KCNIP1: variants seen among roughly 807,000 people sequenced by gnomAD.
KCNIP1 encodes potassium voltage-gated channel interacting protein 1.
A neutral mutation model predicts 33.0 loss-of-function variants in KCNIP1; 18 were observed. The ratio of observed to expected loss-of-function variants is 0.55; its 90% CI spans 0.38 to 0.81. The LOEUF (loss-of-function observed/expected upper bound fraction) is 0.81. Ranked by LOEUF, KCNIP1 falls within the 30% of genes least tolerant of loss-of-function variation. The pLI, the probability that KCNIP1 is intolerant of heterozygous loss-of-function variation, is 0.00. For synonymous variants in KCNIP1, 93 were observed against 98.3 expected, an observed-to-expected ratio of 0.95 and a Z score of 0.32; for missense variants, 238 against 271.6, an observed-to-expected ratio of 0.88 and a Z score of 0.87.
At chr5:170,579,768 G>A (rs1421811669) in intron 1 of KCNIP1, among the ~76,000 whole-genome samples, 3 of 152,142 alleles carry the variant, frequency 2.0e-5, no homozygotes, top group Admixed American at 6.5e-5. Flanking sequence ...GCTTGGAGGC[G>A]GGAAGCCCTG....
intron 1 of KCNIP1, among the ~76,000 whole-genome samples, chr5:170,516,803 TA>T (rs1755140393): frequency 6.6e-6 from 1 of 152,214 alleles, no homozygotes; most frequent in South Asian, 2.1e-4. Flanking sequence ...TGTTAAACAA[TA>T]ACAATCATGG....
chr5:170,673,873 C>T (rs375646071), intron 1 of KCNIP1, among the ~76,000 whole-genome samples: 9 of 152,052 alleles, frequency 5.9e-5, no homozygotes, highest in East Asian at 1.9e-4. Context: ...GGGGAGTGAG[C>T]GCTCTTACAC....
At chr5:170,401,757 CA>C (rs201537929) in intron 1 of KCNIP1, among the ~76,000 whole-genome samples, 1,641 of 127,318 alleles carry the variant, frequency 0.013, 10 homozygotes, top group Middle Eastern at 0.025. Flanking sequence ...GAGACTCTGT[CA>C]AAAAAAAAAA....
intron 1 of KCNIP1, among the ~76,000 whole-genome samples, chr5:170,623,210 C>CT (rs59210675): frequency 0.36 from 52,540 of 147,902 alleles, 9,636 homozygotes; most frequent in East Asian, 0.58. Flanking sequence ...CGACCCCTGT[C>CT]TTTTTTTTTT....
chr5:170,401,631 G>T (rs553456135), intron 1 of KCNIP1, among the ~76,000 whole-genome samples: 1 of 151,906 alleles, frequency 6.6e-6, no homozygotes, highest in African/African-American at 2.4e-5. Flanking sequence ...GCATGGTGGC[G>T]CATGCCTGTG....
intron 1 of KCNIP1, among the ~76,000 whole-genome samples, chr5:170,484,936 TTTTTTC>T (rs990455283): frequency 8.7e-5 from 7 of 80,088 alleles, no homozygotes; most frequent in East Asian, 2.6e-4. Flanking sequence ...TTGTTTTTTC[TTTTTTC>T]TTTTTTTTTT....
intron 1 of KCNIP1, among the ~76,000 whole-genome samples, chr5:170,526,822 C>T (rs1755592128): frequency 1.3e-5 from 2 of 151,456 alleles, no homozygotes; most frequent in Non-Finnish European, 2.9e-5. Context: ...TACCAGGTTC[C>T]AGTGATTCTC....
At chr5:170,503,724 T>A (rs1415915901), upstream of KCNIP1, among the ~76,000 whole-genome samples, 5 of 136,470 alleles carry the variant, frequency 3.7e-5, no homozygotes, top group Admixed American at 7.2e-5. Context: ...CGCACGCACA[T>A]CACACACACA....
chr5:170,497,950 G>T (rs1368626915), intron 1 of KCNIP1, among the ~76,000 whole-genome samples: 2 of 152,222 alleles, frequency 1.3e-5, no homozygotes, highest in Non-Finnish European at 2.9e-5. Context: ...GGACATGAAG[G>T]GCAGAGCCTG....
chr5:170,474,518 T>C (rs982504255), intron 1 of KCNIP1, among the ~76,000 whole-genome samples: 11 of 152,206 alleles, frequency 7.2e-5, no homozygotes, highest in Non-Finnish European at 1.5e-4. Context: ...TGCAAGAGGA[T>C]TGGTCTATGA....
intron 1 of KCNIP1, among the ~76,000 whole-genome samples, chr5:170,360,909 T>C (rs1461897450): frequency 6.6e-6 from 1 of 152,250 alleles, no homozygotes; most frequent in Non-Finnish European, 1.5e-5. Flanking sequence ...GTTCCCTTTT[T>C]GAGGTCTGGT....
chr5:170,521,522 G>A (rs1276084297), intron 1 of KCNIP1, among the ~76,000 whole-genome samples: 1 of 152,196 alleles, frequency 6.6e-6, no homozygotes, highest in Non-Finnish European at 1.5e-5. Context: ...TGAACTTTCA[G>A]AATCCCATTT....
intron 1 of KCNIP1, among the ~76,000 whole-genome samples, chr5:170,696,157 C>T (rs1214295780): frequency 6.6e-6 from 1 of 152,136 alleles, no homozygotes; most frequent in Non-Finnish European, 1.5e-5. Context: ...TCCTTCCTAA[C>T]TTAAAAGAGG....
intron 1 of KCNIP1, among the ~76,000 whole-genome samples, chr5:170,622,658 A>G (rs912550257): frequency 6.7e-6 from 1 of 149,010 alleles, no homozygotes; most frequent in Non-Finnish European, 1.5e-5. Context: ...ACAGAGAGGC[A>G]GTGAAGAAGG....
intron 1 of KCNIP1, among the ~76,000 whole-genome samples, chr5:170,705,461 G>A (rs1032238032): frequency 3.3e-5 from 5 of 152,180 alleles, no homozygotes; most frequent in African/African-American, 1.2e-4. Context: ...GGATTCTTAA[G>A]GGCAGAGGAG....
intron 1 of KCNIP1, among the ~76,000 whole-genome samples, chr5:170,506,136 C>A (rs1431762143): frequency 6.6e-6 from 1 of 152,086 alleles, no homozygotes; most frequent in Non-Finnish European, 1.5e-5. Context: ...AAGTCAGGGG[C>A]TTGTTTTTAA....
At chr5:170,597,820 T>A (rs796632920) in intron 1 of KCNIP1, among the ~76,000 whole-genome samples, 10,085 of 56,312 alleles carry the variant, frequency 0.18, 740 homozygotes, top group African/African-American at 0.19. Context: ...TATATATATA[T>A]ATATATATAT....
intron 1 of KCNIP1, among the ~76,000 whole-genome samples, chr5:170,667,251 G>A (rs187659566): frequency 1.7e-4 from 26 of 151,178 alleles, no homozygotes; most frequent in African/African-American, 6.1e-4. Flanking sequence ...GGCAGAAGTT[G>A]CAGTGAGCCA....
At chr5:170,512,222 A>G (rs1025744634) in intron 1 of KCNIP1, among the ~76,000 whole-genome samples, 2 of 152,264 alleles carry the variant, frequency 1.3e-5, no homozygotes, top group African/African-American at 4.8e-5. Flanking sequence ...GTGTTTAAAT[A>G]TCTTCCAAGT....
Sources: allele counts gnomAD v4.1 joint callset (sites outside exome capture counted in the v4.1 genomes callset), GRCh38; gene constraint gnomAD v4.1.1; transcripts MANE v1.5; gene names NCBI Gene and HGNC (gene_info 2026-07-23, HGNC 2026-07-21).